CSNK2A1: variants seen among roughly 807,000 people sequenced by gnomAD.
CSNK2A1 encodes casein kinase II subunit alpha.
CSNK2A1 carries 10 observed loss-of-function variants against 62.9 expected under a neutral mutation model. The ratio of observed to expected loss-of-function variants is 0.16; its 90% CI spans 0.10 to 0.27. The LOEUF is 0.27. Ranked by LOEUF, CSNK2A1 falls within the 10% of genes least tolerant of loss-of-function variation. The pLI is 1.00. For missense variants in CSNK2A1, 160 were observed against 492.0 expected (o/e 0.33, Z 6.38); for synonymous variants, 124 against 167.8 (o/e 0.74, Z 2.02).
chr20:487,381 G>C (rs780812853), intron 12 of CSNK2A1, 46 bp downstream of exon 12: 1 of 1,611,904 alleles, frequency 6.2e-7, no homozygotes, highest in Non-Finnish European at 8.5e-7. Context: ...TGTTCTATAG[G>C]ACTCTGCGCC....
At chr20:527,001 CAGAGAGAGAGAGAGAGAGAG>C (rs3055009) in intron 2 of CSNK2A1, 5 of 97,814 alleles carry the variant, frequency 5.1e-5, no homozygotes, top group South Asian at 8.1e-4. Context: ...GAGAGACAGA[CAGAGAGAGAGAGAGAGAGAG>C]AGAGAGAGAG....
Position 474,035 on chromosome 20 carries a change from A to C in CSNK2A1, c.*9926T>G, listed in dbSNP as rs1282326933. 2.0e-5 allele frequency: 3 copies of C among 152,196 alleles called. No individual in the cohort carries two copies. Among genetic ancestry groups the C allele is most frequent in the African/African-American group, 7.2e-5 (3 of 41,456 alleles). The allele number at this position is 152,196 out of a possible 1,614,324, so 9.4% of individuals were successfully genotyped here. The stretch of plus-strand genomic sequence containing the variant: ...TGATCTAGTCTTTGAAAGGCTTTTA[A>C]GCAAGGGACTGAGATAAAATTTATT... On this transcript the variant is annotated 3_prime_UTR_variant, in exon 14 of 14. Transcript: ENST00000217244.
Position 488,469 on chromosome 20 carries a change from A to G in CSNK2A1, c.824+209T>C. On this transcript the variant is annotated intron_variant, in intron 11 of 13. Transcript: ENST00000217244. ...GGAATCCTCTAGCTATAACCCCTCC[A>G]TCAGACTCCTGTAAGTTAATTTGAA... The G allele has an allele frequency of 4.1e-6, 2 of 488,648 alleles. 1 individual carries two copies. The highest frequency in any genetic ancestry group is 5.7e-5 in the South Asian group (2 of 35,286). The allele number at this position is 488,648 out of a possible 1,614,324, so 30.3% of individuals were successfully genotyped here.
chr20:542,023 C>T (rs1047222952), intron 1 of CSNK2A1, among the ~76,000 whole-genome samples: 5 of 152,148 alleles, frequency 3.3e-5, no homozygotes, highest in African/African-American at 1.2e-4. Flanking sequence ...AAATGACTTA[C>T]AACAAAACCC....
intron 13 of CSNK2A1, among the ~76,000 whole-genome samples, chr20:484,962 G>A (rs1018961483): frequency 6.8e-6 from 1 of 148,048 alleles, no homozygotes; most frequent in African/African-American, 2.5e-5. Context: ...AGCTACCTGG[G>A]AGGTTGAGGT....
intron 1 of CSNK2A1, among the ~76,000 whole-genome samples, chr20:541,979 C>T (rs1038621103): frequency 5.9e-5 from 9 of 152,180 alleles, no homozygotes; most frequent in Non-Finnish European, 1.3e-4. Flanking sequence ...TGGTACTGGA[C>T]TTTCAGCCCC....
rs1226802426 is a variant in CSNK2A1 at position 530,215 on chromosome 20, G to A, written c.-226-2166C>T. Among the ~76,000 whole-genome samples the A allele has an allele frequency of 2.6e-5, 4 of 152,108 alleles. No individual in the cohort carries two copies. The East Asian group carries it at 7.7e-4, about 29-fold the overall frequency. ...ATCTGCTTTCTGTCTTCATGTATTT[G>A]CCTATTATGGACATTTCACATAAAT... On this transcript the variant is annotated intron_variant, in intron 1 of 13. Transcript: ENST00000217244.
Position 473,278 on chromosome 20 carries a change from G to C in CSNK2A1, c.*10683C>G, listed in dbSNP as rs2017787301. The C allele has an allele frequency of 6.6e-6, 1 of 152,522 alleles. No homozygotes were observed. The highest frequency in any genetic ancestry group is 6.5e-5 in the Admixed American group (1 of 15,282). The allele number at this position is 152,522 out of a possible 1,614,324, so 9.4% of individuals were successfully genotyped here. On this transcript the variant is annotated 3_prime_UTR_variant, in exon 14 of 14. Transcript: ENST00000217244. The stretch of plus-strand genomic sequence containing the variant: ...CTCAAGGCTTGTCAGCTTACCATTG[G>C]CAGGTGGGGGAGGAGGGAATTCTCT...
chr20:522,987 G>A (rs1192227230), intron 2 of CSNK2A1, among the ~76,000 whole-genome samples: 1 of 152,132 alleles, frequency 6.6e-6, no homozygotes, highest in Non-Finnish European at 1.5e-5. Context: ...CAGTTTCTTA[G>A]TGTTGATGAC....
At chr20:500,307 A>C in intron 4 of CSNK2A1, 1 of 202,194 alleles carries the variant, frequency 4.9e-6, no homozygotes, top group Non-Finnish European at 1.0e-5. Flanking sequence ...CTTTTTATCA[A>C]TTAGGATGAA....
chr20:542,885 T>C (rs369048991), intron 1 of CSNK2A1, among the ~76,000 whole-genome samples: 1 of 152,234 alleles, frequency 6.6e-6, no homozygotes, highest in Non-Finnish European at 1.5e-5. Context: ...CTCCTGACCC[T>C]GACTCTGCTT....
rs1170985451 is a variant in CSNK2A1 at position 537,228 on chromosome 20, TTAATC to T, written c.-227+6439_-227+6443del. Among the ~76,000 whole-genome samples the T allele has an allele frequency of 3.0e-4, 45 of 152,160 alleles. 1 individual carries two copies. The highest frequency in any genetic ancestry group is 1.0e-3 in the African/African-American group (42 of 41,432). ...GTCACACATAAAAAATTATAAAACA[TTAATC>T]TAACTTGTACCTTGGTATTTAACCC... On this transcript the variant is annotated intron_variant, in intron 1 of 13. Transcript: ENST00000217244.
intron 1 of CSNK2A1, among the ~76,000 whole-genome samples, chr20:541,808 C>T (rs573796703): frequency 6.6e-6 from 1 of 152,252 alleles, no homozygotes; most frequent in South Asian, 2.1e-4. Flanking sequence ...GTTGATTAAT[C>T]AATCTAAGCA....
chr20:497,064 AC>A (rs2018359992), intron 7 of CSNK2A1, among the ~76,000 whole-genome samples: 1 of 152,210 alleles, frequency 6.6e-6, no homozygotes, highest in South Asian at 2.1e-4. Context: ...TCTTACAAAT[AC>A]CCTTTTTCAA....
Position 499,391 on chromosome 20 carries a change from G to A in CSNK2A1, c.316-86C>T, listed in dbSNP as rs930526435. 1.3e-5 allele frequency: 18 copies of A among 1,365,262 alleles called. No homozygotes were observed. The highest frequency in any genetic ancestry group is 2.9e-5 in the African/African-American group (2 of 69,070). 84.6% of individuals were successfully genotyped at this position (1,365,262 alleles called of 1,614,324 possible). A position where few individuals can be genotyped will look rare whatever the true frequency, so the allele number is the denominator to read the frequency against. On this transcript the variant is annotated intron_variant, in intron 5 of 13. Coordinates refer to ENST00000217244, the MANE Select transcript of CSNK2A1 (RefSeq NM_177559.3). The surrounding 1 kb of genome is among the most constrained non-coding windows in gnomAD (Gnocchi z 4.2). ...GGACAATGTTTGCGGATGCTGCGTG[G>A]TGAAATTTGGCAGTCCTCGCCTCAG...
At chr20:485,674 T>C (rs1011511747) in intron 13 of CSNK2A1, among the ~76,000 whole-genome samples, 1 of 152,210 alleles carries the variant, frequency 6.6e-6, no homozygotes, top group Admixed American at 6.5e-5. Flanking sequence ...AGTTTGGATA[T>C]ACATTACTCT....
At chr20:530,466 TC>T (rs1342505317) in intron 1 of CSNK2A1, among the ~76,000 whole-genome samples, 1 of 148,536 alleles carries the variant, frequency 6.7e-6, no homozygotes, top group Non-Finnish European at 1.5e-5. Context: ...TCACTTTTTT[TC>T]CTTTTTTTTT....
Position 478,396 on chromosome 20 carries a change from A to G in CSNK2A1, c.*5565T>C, listed in dbSNP as rs924510336. 1.3e-5 allele frequency: 3 copies of G among 235,768 alleles called. No homozygotes were observed. Among genetic ancestry groups the G allele is most frequent in the Non-Finnish European group, 2.6e-5 (3 of 115,960 alleles). 14.6% of individuals were successfully genotyped at this position (235,768 alleles called of 1,614,324 possible). On this transcript the variant is annotated 3_prime_UTR_variant, in exon 14 of 14. Coordinates refer to ENST00000217244, the MANE Select transcript of CSNK2A1 (RefSeq NM_177559.3). Reference sequence around the variant, plus strand: ...TAGGTATGGCTAGAAATGTTTATCAATAGCTGAGACTCTGATTCCCAGGGT... The same window carrying G: ...TAGGTATGGCTAGAAATGTTTATCAGTAGCTGAGACTCTGATTCCCAGGGT...
chr20:486,759 G>A, intron 12 of CSNK2A1: 1 of 342,194 alleles, frequency 2.9e-6, no homozygotes. Flanking sequence ...GAGGTTTAAT[G>A]GAGACAAGAC....
Sources: allele counts gnomAD v4.1 joint callset (sites outside exome capture counted in the v4.1 genomes callset), GRCh38; gene constraint gnomAD v4.1.1; non-coding constraint Gnocchi (gnomAD v3.1); transcripts MANE v1.5; gene names NCBI Gene and HGNC (gene_info 2026-07-23, HGNC 2026-07-21).